The following DTNA variants were observed in gnomAD, a reference collection of about 807,000 sequenced individuals.
DTNA encodes the protein dystrophin-related protein 3.
A neutral mutation model predicts 100.7 loss-of-function variants in DTNA; 43 were observed. The observed-to-expected ratio is 0.43, with a 90% confidence interval of 0.33 to 0.55. The LOEUF (loss-of-function observed/expected upper bound fraction) is 0.55, where lower values mean the gene tolerates loss of function less well. Ranked by LOEUF, DTNA falls within the 20% of genes least tolerant of loss-of-function variation. The pLI is 0.04. For synonymous variants in DTNA, 349 were observed against 347.9 expected, an observed-to-expected ratio of 1.00 and a Z score of -0.04; for missense variants, 798 against 953.9, an observed-to-expected ratio of 0.84 and a Z score of 2.15.
chr18:34,693,157 ATCATTCAT>A (rs1266664290), intron 1 of DTNA, among the ~76,000 whole-genome samples: 3 of 152,212 alleles, frequency 2.0e-5, no homozygotes, highest in Non-Finnish European at 4.4e-5. Flanking sequence ...ACTTATAATG[ATCATTCAT>A]TCATTCATTC....
intron 17 of DTNA, chr18:34,868,075 CA>C (rs1701710561): frequency 1.1e-6 from 1 of 901,338 alleles, no homozygotes; most frequent in African/African-American, 1.9e-5. Context: ...ATAGAAAAAT[CA>C]AAAACTAAAG....
At chr18:34,812,977 C>T (rs934059308) in intron 6 of DTNA, among the ~76,000 whole-genome samples, 18 of 152,136 alleles carry the variant, frequency 1.2e-4, no homozygotes, top group Middle Eastern at 3.4e-3. Context: ...TTTGGGGTTC[C>T]AAGTGATGTG....
At chr18:34,844,874 G>A (rs2096348076) in intron 13 of DTNA, among the ~76,000 whole-genome samples, 1 of 152,092 alleles carries the variant, frequency 6.6e-6, no homozygotes, top group African/African-American at 2.4e-5. Flanking sequence ...GGCCACTTGA[G>A]TTTCCTGGAA....
intron 1 of DTNA, among the ~76,000 whole-genome samples, chr18:34,606,576 T>C (rs1162694445): frequency 1.3e-5 from 2 of 152,190 alleles, no homozygotes; most frequent in African/African-American, 4.8e-5. Flanking sequence ...CTTTGAGGAA[T>C]GCAGTGCCCA....
At chr18:34,565,123 A>G (rs1256075373) in intron 1 of DTNA, among the ~76,000 whole-genome samples, 1 of 152,244 alleles carries the variant, frequency 6.6e-6, no homozygotes, top group Non-Finnish European at 1.5e-5. Context: ...AGAAACATTT[A>G]ATAAGAATAC....
At chr18:34,867,974 T>A (rs1307206049) in intron 17 of DTNA, 1 of 985,332 alleles carries the variant, frequency 1.0e-6, no homozygotes, top group Non-Finnish European at 1.2e-6. Flanking sequence ...CACTTATTTA[T>A]CTTTTTTGCT....
intron 1 of DTNA, among the ~76,000 whole-genome samples, chr18:34,730,847 G>A (rs1292227365): frequency 6.6e-6 from 1 of 152,184 alleles, no homozygotes; most frequent in African/African-American, 2.4e-5. Context: ...GCTCACTCAT[G>A]TTGGTGTGTC....
chr18:34,763,524 A>T (rs958325276), intron 2 of DTNA, among the ~76,000 whole-genome samples: 1 of 152,242 alleles, frequency 6.6e-6, no homozygotes, highest in Non-Finnish European at 1.5e-5. Context: ...AGAAGTGCAT[A>T]TGATTTTTCA....
At position 34,789,530 on chromosome 18, in the gene DTNA, A is replaced by T. The variant is rs375366203; in HGVS notation, c.149-4507A>T. 4.6e-5 allele frequency among the ~76,000 whole-genome samples: 7 copies of T among 152,214 alleles called. No homozygotes were observed. The East Asian group carries it at 1.4e-3, about 29-fold the overall frequency. On this transcript the variant is annotated intron_variant, in intron 3 of 22. Coordinates refer to ENST00000444659, the MANE Select transcript of DTNA (RefSeq NM_001386795.1). ...ATGTCACAGTATGTCACTATTTCTG[A>T]TCACCCGTTTGTGTGATTGTGTGAG...
chr18:34,719,309 A>T (rs2084757732), intron 1 of DTNA, among the ~76,000 whole-genome samples: 1 of 152,144 alleles, frequency 6.6e-6, no homozygotes, highest in Non-Finnish European at 1.5e-5. Flanking sequence ...GCACCACTGC[A>T]TTCTAGCCTG....
At chr18:34,825,244 G>A in intron 9 of DTNA, 1 of 1,613,156 alleles carries the variant, frequency 6.2e-7, no homozygotes, top group Non-Finnish European at 8.5e-7. Context: ...TCTCTATTCT[G>A]TTCAATTCTT....
intron 1 of DTNA, among the ~76,000 whole-genome samples, chr18:34,521,574 G>T (rs1171460052): frequency 6.6e-6 from 1 of 152,060 alleles, no homozygotes; most frequent in Non-Finnish European, 1.5e-5. Context: ...TCCCTCTCTA[G>T]CTTCATCTCA....
chr18:34,891,711 A>G lies in DTNA; in HGVS notation c.*3977A>G, dbSNP rs1395085831. The G allele has an allele frequency of 6.6e-6, 1 of 152,364 alleles. No individual in the cohort carries two copies. The highest frequency in any genetic ancestry group is 1.9e-4 in the East Asian group (1 of 5,196). The allele number at this position is 152,364 out of a possible 1,614,324, so 9.4% of individuals were successfully genotyped here. A position where few individuals can be genotyped will look rare whatever the true frequency, so the allele number is the denominator to read the frequency against. On this transcript the variant is annotated 3_prime_UTR_variant, in exon 23 of 23. Transcript: ENST00000444659. ...AACAGCTAACATATTTCATGTTTGT[A>G]TCACACACTGTTCTTAACACTTTAT...
intron 9 of DTNA, among the ~76,000 whole-genome samples, chr18:34,827,000 A>G (rs2095873862): frequency 1.3e-5 from 2 of 152,232 alleles, no homozygotes; most frequent in African/African-American, 4.8e-5. Context: ...GATGCTGTAC[A>G]CCACATACTC....
intron 15 of DTNA, among the ~76,000 whole-genome samples, chr18:34,853,058 T>C (rs931374950): frequency 1.3e-5 from 2 of 152,180 alleles, no homozygotes; most frequent in Non-Finnish European, 2.9e-5. Flanking sequence ...AGAAGCTCAG[T>C]AGATATACAT....
In DTNA at chr18:34,889,534, C is replaced by G. The variant is rs187414791; in HGVS notation, c.*1800C>G. Reference sequence around the variant, plus strand: ...GGGCTGGCAAAAACCTTCTCTGAACCCACACACCAAGTTCGTAGTTGGTAG... The same window carrying G: ...GGGCTGGCAAAAACCTTCTCTGAACGCACACACCAAGTTCGTAGTTGGTAG... On this transcript the variant is annotated 3_prime_UTR_variant, in exon 23 of 23. Coordinates refer to ENST00000444659, the MANE Select transcript of DTNA (RefSeq NM_001386795.1). 2.6e-3 allele frequency: 2,582 copies of G among 985,402 alleles called. 5 individuals carry two copies. The highest frequency in any genetic ancestry group is 3.0e-3 in the Non-Finnish European group (2,486 of 829,938). 61.0% of individuals were successfully genotyped at this position (985,402 alleles called of 1,614,324 possible).
intron 5 of DTNA, among the ~76,000 whole-genome samples, chr18:34,808,501 G>A (rs1186956491): frequency 6.6e-6 from 1 of 152,144 alleles, no homozygotes; most frequent in Non-Finnish European, 1.5e-5. Context: ...TGCTCAGAAG[G>A]GCCATCCCTT....
chr18:34,517,119 C>A (rs1047472234), intron 1 of DTNA, among the ~76,000 whole-genome samples: 1 of 152,076 alleles, frequency 6.6e-6, no homozygotes, highest in African/African-American at 2.4e-5. Context: ...TCCCTCTGTT[C>A]GGGGTCCCTG....
chr18:34,685,230 A>T (rs1256575417), intron 1 of DTNA, among the ~76,000 whole-genome samples: 1 of 152,128 alleles, frequency 6.6e-6, no homozygotes. Context: ...TATGTCCTAA[A>T]TGGTTTTGCC....
Sources: gnomAD v4.1 joint callset for allele counts (sites outside exome capture counted in the v4.1 genomes callset) on GRCh38, gnomAD v4.1.1 for gene constraint, MANE v1.5 for transcripts, NCBI Gene and HGNC (gene_info 2026-07-23, HGNC 2026-07-21) for gene names.